The following CLYBL variants were observed in gnomAD, a reference collection of about 807,000 sequenced individuals.
CLYBL encodes citramalyl-CoA lyase.
Under a neutral mutation model 38.9 loss-of-function variants are expected in CLYBL, and 31 were observed. That is an observed-to-expected ratio of 0.80 (90% CI 0.60 to 1.08). The LOEUF (loss-of-function observed/expected upper bound fraction) is 1.08, where lower values mean the gene tolerates loss of function less well. Ranked by LOEUF, CLYBL falls within the 50% of genes least tolerant of loss-of-function variation. CLYBL has a pLI of 0.00. For missense variants in CLYBL, 434 were observed against 411.6 expected (o/e 1.05, Z -0.47); for synonymous variants, 171 against 158.6 (o/e 1.08, Z -0.59).
chr13:99,709,715 T>C (rs1372691489), intron 1 of CLYBL, among the ~76,000 whole-genome samples: 9 of 151,978 alleles, frequency 5.9e-5, no homozygotes, highest in Non-Finnish European at 1.2e-4. Flanking sequence ...CAAAATTAAC[T>C]CCTAGAGATT....
At chr13:99,690,979 G>C (rs1436556944) in intron 1 of CLYBL, 1 of 152,246 alleles carries the variant, frequency 6.6e-6, no homozygotes, top group Non-Finnish European at 1.5e-5. Flanking sequence ...GTTAGAGGCA[G>C]CAGGGTGGTA....
chr13:99,865,026 CCATGACAATGGTTTTT>C lies in CLYBL; in HGVS notation c.634+127_634+142del, dbSNP rs1336068329. ...TTACATAACAATGTATATTTGCCAA[CCATGACAATGGTTTTT>C]CATGACAATGGAATGGACACTACTT... is the stretch of plus-strand genomic sequence containing the variant. On this transcript the variant is annotated intron_variant, in intron 5 of 8. Transcript: ENST00000339105. The surrounding 1 kb of genome is among the most constrained non-coding windows in gnomAD (Gnocchi z 4.7). 3.8e-6 allele frequency: 3 copies of C among 793,014 alleles called. No individual in the cohort carries two copies. Among genetic ancestry groups the C allele is most frequent in the East Asian group, 2.6e-5 (1 of 38,316 alleles). 49.1% of individuals were successfully genotyped at this position (793,014 alleles called of 1,614,324 possible).
intron 1 of CLYBL, among the ~76,000 whole-genome samples, chr13:99,665,091 A>G (rs1362453654): frequency 6.6e-6 from 1 of 151,244 alleles, no homozygotes; most frequent in Non-Finnish European, 1.5e-5. Context: ...ATTTAAAAAT[A>G]TATTTGTTAT....
intron 1 of CLYBL, among the ~76,000 whole-genome samples, chr13:99,613,025 G>GATA (rs57244403): frequency 0.01 from 460 of 44,620 alleles, 6 homozygotes; most frequent in South Asian, 0.024. Flanking sequence ...AAATAGTGAT[G>GATA]ATAATAATAA....
intron 2 of CLYBL, among the ~76,000 whole-genome samples, chr13:99,844,226 G>C (rs937574774): frequency 2.6e-5 from 4 of 152,214 alleles, no homozygotes; most frequent in Non-Finnish European, 5.9e-5. Context: ...CAAGATGGGA[G>C]TTCTGCCTCA....
Position 99,862,945 on chromosome 13 carries a change from T to G in CLYBL, c.439-46T>G, listed in dbSNP as rs538265571. 4.6e-6 allele frequency: 5 copies of G among 1,098,312 alleles called. No homozygotes were observed. In the Admixed American group the frequency reaches 7.6e-5, roughly 17 times the overall value. The allele number at this position is 1,098,312 out of a possible 1,614,324, so 68.0% of individuals were successfully genotyped here. A position where few individuals can be genotyped will look rare whatever the true frequency, so the allele number is the denominator to read the frequency against. The stretch of plus-strand genomic sequence containing the variant: ...ACTTCTGGGTCTACATTTCCGTGAT[T>G]GTACATTTTTTCCCCACTAATCACC... On this transcript the variant is annotated intron_variant, in intron 3 of 8. Coordinates refer to ENST00000339105, the MANE Select transcript of CLYBL (RefSeq NM_206808.5).
At chr13:99,827,159 G>A (rs1012650450) in intron 2 of CLYBL, among the ~76,000 whole-genome samples, 13 of 152,268 alleles carry the variant, frequency 8.5e-5, no homozygotes, top group African/African-American at 2.9e-4. Flanking sequence ...TCTGGGTTCC[G>A]TGAGTCATTT....
intron 1 of CLYBL, among the ~76,000 whole-genome samples, chr13:99,679,605 T>C (rs2047704420): frequency 1.3e-5 from 2 of 152,136 alleles, no homozygotes; most frequent in Admixed American, 6.6e-5. Flanking sequence ...AGTAATTATG[T>C]AGAGGGTGGT....
chr13:99,843,652 A>T (rs973498885), intron 2 of CLYBL, among the ~76,000 whole-genome samples: 7 of 144,208 alleles, frequency 4.9e-5, no homozygotes, highest in Admixed American at 2.9e-4. Context: ...CCCAGGCTGG[A>T]GTGCAGTGGT....
intron 8 of CLYBL, 60 bp downstream of exon 8, chr13:99,891,497 G>C (rs2052489206): frequency 1.1e-6 from 1 of 927,636 alleles, no homozygotes; most frequent in African/African-American, 1.6e-5. Flanking sequence ...AAAGCAACTT[G>C]TTAGGATGCC....
chr13:99,622,280 A>G (rs1209076703), intron 1 of CLYBL, among the ~76,000 whole-genome samples: 1 of 152,230 alleles, frequency 6.6e-6, no homozygotes, highest in African/African-American at 2.4e-5. Context: ...AATACTGGGT[A>G]TAAGGACGTG....
intron 1 of CLYBL, among the ~76,000 whole-genome samples, chr13:99,756,313 C>T (rs1388077052): frequency 6.6e-6 from 1 of 152,164 alleles, no homozygotes; most frequent in Non-Finnish European, 1.5e-5. Context: ...TTCAGCAAGC[C>T]CAAGTCCTTT....
At chr13:99,739,893 C>T (rs1424478646) in intron 1 of CLYBL, among the ~76,000 whole-genome samples, 2 of 152,138 alleles carry the variant, frequency 1.3e-5, no homozygotes, top group South Asian at 2.1e-4. Flanking sequence ...ATTGCTTGAA[C>T]CCGGGAGGCG....
At chr13:99,695,771 G>T (rs2047970439) in intron 1 of CLYBL, among the ~76,000 whole-genome samples, 1 of 152,118 alleles carries the variant, frequency 6.6e-6, no homozygotes, top group Non-Finnish European at 1.5e-5. Flanking sequence ...CCCTGCCTTG[G>T]CCTCCCAAAG....
chr13:99,635,663 A>G (rs1295939956), intron 1 of CLYBL, among the ~76,000 whole-genome samples: 1 of 152,000 alleles, frequency 6.6e-6, no homozygotes, highest in East Asian at 1.9e-4. Flanking sequence ...GCCTCCCATA[A>G]CTCTTGTTAA....
At chr13:99,815,969 A>G (rs928834681) in intron 2 of CLYBL, among the ~76,000 whole-genome samples, 1 of 152,224 alleles carries the variant, frequency 6.6e-6, no homozygotes, top group African/African-American at 2.4e-5. Flanking sequence ...TGCATTTTGT[A>G]TAGGTACAGT....
At chr13:99,779,785 T>G (rs2138829522) in intron 2 of CLYBL, among the ~76,000 whole-genome samples, 1 of 152,200 alleles carries the variant, frequency 6.6e-6, no homozygotes, top group South Asian at 2.1e-4. Flanking sequence ...TTGTTTTTTG[T>G]TTTTTTCAAT....
At chr13:99,891,247 C>T (rs2052480702) in intron 7 of CLYBL, 71 bp from the exon 8 acceptor site, 1 of 1,111,748 alleles carries the variant, frequency 9.0e-7, no homozygotes, top group Non-Finnish European at 1.4e-6. Flanking sequence ...TCTTGTTGCA[C>T]AAGTGTGCAC....
intron 1 of CLYBL, among the ~76,000 whole-genome samples, chr13:99,757,394 T>C (rs1443343551): frequency 6.6e-6 from 1 of 152,200 alleles, no homozygotes; most frequent in African/African-American, 2.4e-5. Flanking sequence ...CATTCGCTAG[T>C]GCAGCTGCCC....
Sources: gnomAD v4.1 joint callset for allele counts (sites outside exome capture counted in the v4.1 genomes callset) on GRCh38, gnomAD v4.1.1 for gene constraint, Gnocchi (gnomAD v3.1) non-coding constraint, MANE v1.5 for transcripts, NCBI Gene and HGNC (gene_info 2026-07-23, HGNC 2026-07-21) for gene names.